LRMDA: variants seen among roughly 807,000 people sequenced by gnomAD.
The protein encoded by LRMDA is leucine rich melanocyte differentiation associated, also known as leucine-rich melanocyte differentiation-associated protein.
LRMDA carries 18 observed loss-of-function variants against 29.8 expected under a neutral mutation model. The ratio of observed to expected loss-of-function variants is 0.60; its 90% CI spans 0.42 to 0.90. The LOEUF (loss-of-function observed/expected upper bound fraction) is 0.90. Among genes scored for constraint, LRMDA ranks in the 40% least tolerant of loss-of-function variants. The pLI is 0.00. For missense variants in LRMDA, 273 were observed against 273.9 expected (o/e 1.00, Z 0.02); for synonymous variants, 125 against 109.4 (o/e 1.14, Z -0.89).
chr10:75,613,309 G>C (rs977233624), intron 2 of LRMDA, among the ~76,000 whole-genome samples: 1 of 152,120 alleles, frequency 6.6e-6, no homozygotes, highest in Non-Finnish European at 1.5e-5. Flanking sequence ...CAGACTTGCA[G>C]ATAGCTACTA....
At chr10:76,298,095 A>T (rs1281985485) in intron 5 of LRMDA, among the ~76,000 whole-genome samples, 1 of 152,238 alleles carries the variant, frequency 6.6e-6, no homozygotes, top group Non-Finnish European at 1.5e-5. Context: ...CCCACCATGC[A>T]TGCCTTGCGA....
At chr10:76,512,675 C>T (rs1352234896) in intron 6 of LRMDA, among the ~76,000 whole-genome samples, 1 of 152,086 alleles carries the variant, frequency 6.6e-6, no homozygotes, top group Non-Finnish European at 1.5e-5. Context: ...AACTTCTTAG[C>T]AATGATACCA....
intron 6 of LRMDA, among the ~76,000 whole-genome samples, chr10:76,418,107 C>T (rs1842035591): frequency 6.6e-6 from 1 of 151,992 alleles, no homozygotes; most frequent in Non-Finnish European, 1.5e-5. Flanking sequence ...ATCCTTGGCT[C>T]TTTGAATCTC....
At chr10:76,211,496 A>G (rs1174253250) in intron 5 of LRMDA, among the ~76,000 whole-genome samples, 3 of 152,256 alleles carry the variant, frequency 2.0e-5, no homozygotes, top group Non-Finnish European at 4.4e-5. Context: ...AGTTAGCCAC[A>G]TAAAATCCAA....
intron 6 of LRMDA, among the ~76,000 whole-genome samples, chr10:76,521,017 C>T (rs1589223580): frequency 6.6e-6 from 1 of 151,970 alleles, no homozygotes; most frequent in East Asian, 1.9e-4. Flanking sequence ...TATATATTTC[C>T]TTGCAGTATT....
At chr10:76,097,686 T>G (rs1466256212) in intron 5 of LRMDA, among the ~76,000 whole-genome samples, 1 of 152,202 alleles carries the variant, frequency 6.6e-6, no homozygotes, top group Admixed American at 6.5e-5. Flanking sequence ...ATATAGTTTA[T>G]TTTCTTTAGT....
At chr10:76,121,510 G>C (rs1233440178) in intron 5 of LRMDA, among the ~76,000 whole-genome samples, 1 of 152,200 alleles carries the variant, frequency 6.6e-6, no homozygotes, top group African/African-American at 2.4e-5. Flanking sequence ...CCCTGCCTTG[G>C]TTTCTCCATT....
At chr10:76,149,256 C>T (rs112004518) in intron 5 of LRMDA, among the ~76,000 whole-genome samples, 2 of 152,266 alleles carry the variant, frequency 1.3e-5, no homozygotes, top group African/African-American at 4.8e-5. Flanking sequence ...ATCTGTAATG[C>T]AGCAGTCAAG....
intron 5 of LRMDA, among the ~76,000 whole-genome samples, chr10:76,244,800 G>T (rs1407873344): frequency 6.6e-6 from 1 of 152,172 alleles, no homozygotes; most frequent in East Asian, 1.9e-4. Flanking sequence ...ATGCAGGCTG[G>T]GGAAGTCAGT....
At chr10:75,592,993 C>T (rs761615960) in intron 2 of LRMDA, among the ~76,000 whole-genome samples, 1 of 152,052 alleles carries the variant, frequency 6.6e-6, no homozygotes, top group Non-Finnish European at 1.5e-5. Context: ...TAATCATCTC[C>T]ACCCCCTCCT....
intron 2 of LRMDA, among the ~76,000 whole-genome samples, chr10:75,533,494 G>A (rs1002567405): frequency 6.6e-6 from 1 of 152,102 alleles, no homozygotes; most frequent in Non-Finnish European, 1.5e-5. Flanking sequence ...AGTTTTTATG[G>A]GTCTGAGTAA....
At chr10:75,545,877 A>G (rs537636272) in intron 2 of LRMDA, among the ~76,000 whole-genome samples, 16 of 152,276 alleles carry the variant, frequency 1.1e-4, no homozygotes, top group African/African-American at 3.6e-4. Context: ...AAAAATTCCA[A>G]TGTGAGAGCT....
At chr10:76,210,836 T>C (rs1564687094) in intron 5 of LRMDA, among the ~76,000 whole-genome samples, 1 of 152,228 alleles carries the variant, frequency 6.6e-6, no homozygotes, top group Non-Finnish European at 1.5e-5. Context: ...CAAAGGAACA[T>C]CAGGGACTCC....
At chr10:75,686,531 G>A (rs974344120) in intron 2 of LRMDA, among the ~76,000 whole-genome samples, 1 of 152,124 alleles carries the variant, frequency 6.6e-6, no homozygotes, top group Non-Finnish European at 1.5e-5. Context: ...CCATTTATTC[G>A]AATGTGTAGT....
intron 5 of LRMDA, among the ~76,000 whole-genome samples, chr10:76,203,312 T>G (rs1325212908): frequency 6.6e-6 from 1 of 152,140 alleles, no homozygotes; most frequent in Non-Finnish European, 1.5e-5. Flanking sequence ...AAAAAAAATG[T>G]TTTTGAATAG....
intron 5 of LRMDA, among the ~76,000 whole-genome samples, chr10:76,178,099 A>G (rs1850974180): frequency 6.6e-6 from 1 of 152,242 alleles, no homozygotes; most frequent in Non-Finnish European, 1.5e-5. Context: ...TGAGATTTCC[A>G]AATGAAATGT....
At chr10:75,526,734 T>C (rs542467510) in intron 2 of LRMDA, among the ~76,000 whole-genome samples, 1 of 152,134 alleles carries the variant, frequency 6.6e-6, no homozygotes, top group African/African-American at 2.4e-5. Flanking sequence ...CACATGCCTG[T>C]GGTTCCTATT....
intron 2 of LRMDA, among the ~76,000 whole-genome samples, chr10:76,035,531 T>C (rs1411228994): frequency 1.3e-5 from 2 of 152,112 alleles, no homozygotes; most frequent in East Asian, 3.9e-4. Context: ...TGCTAAGAAA[T>C]GATACTTGAA....
At chr10:75,905,753 T>C (rs992713804) in intron 2 of LRMDA, among the ~76,000 whole-genome samples, 1 of 152,132 alleles carries the variant, frequency 6.6e-6, no homozygotes, top group Non-Finnish European at 1.5e-5. Context: ...GGCTGATGTA[T>C]GTCCCTATGT....
Sources: gnomAD v4.1 joint callset for allele counts (sites outside exome capture counted in the v4.1 genomes callset) on GRCh38, gnomAD v4.1.1 for gene constraint, MANE v1.5 for transcripts, NCBI Gene and HGNC (gene_info 2026-07-23, HGNC 2026-07-21) for gene names.